The following RABEP1 variants were observed in gnomAD, a reference collection of about 807,000 sequenced individuals.
The protein encoded by RABEP1 is rab GTPase-binding effector protein 1.
Under a neutral mutation model 123.4 loss-of-function variants are expected in RABEP1, and 51 were observed. That is an observed-to-expected ratio of 0.41 (90% CI 0.33 to 0.52). The LOEUF is 0.52. Among genes scored for constraint, RABEP1 ranks in the 20% least tolerant of loss-of-function variants. RABEP1 has a pLI of 0.16. For missense variants in RABEP1, 888 were observed against 996.3 expected (o/e 0.89, Z 1.46); for synonymous variants, 347 against 355.2 (o/e 0.98, Z 0.26).
Position 5,331,912 on chromosome 17 carries a change from T to A in RABEP1, c.164-37T>A, listed in dbSNP as rs542355435. On this transcript the variant is annotated intron_variant, in intron 2 of 17. Coordinates refer to ENST00000537505, the MANE Select transcript of RABEP1 (RefSeq NM_004703.6). ...TATTGGAATGCCAGTCTGATCAAAG[T>A]GAACATTAATGGACTATCTTTTACT... 3.2e-6 allele frequency: 5 copies of A among 1,577,280 alleles called. No individual in the cohort carries two copies. In the South Asian group the frequency reaches 5.6e-5, roughly 18 times the overall value.
intron 17 of RABEP1, among the ~76,000 whole-genome samples, chr17:5,382,430 A>G (rs1401611346): frequency 1.3e-5 from 2 of 151,718 alleles, no homozygotes; most frequent in South Asian, 2.1e-4. Flanking sequence ...ATTTGTCTCC[A>G]TAATCCCAAC....
chr17:5,377,378 C>T (rs1487456692), intron 14 of RABEP1, 73 bp downstream of exon 14: 1 of 1,211,422 alleles, frequency 8.3e-7, no homozygotes, highest in Non-Finnish European at 1.1e-6. Flanking sequence ...CAATACATGG[C>T]CATGGAGTCT....
chr17:5,349,158 G>A (rs1908311778), intron 6 of RABEP1, among the ~76,000 whole-genome samples: 1 of 152,118 alleles, frequency 6.6e-6, no homozygotes, highest in Non-Finnish European at 1.5e-5. Flanking sequence ...TTTGTGTCTG[G>A]CTTCAGTGAA....
chr17:5,365,798 G>C (rs1049265264), intron 11 of RABEP1, among the ~76,000 whole-genome samples: 2 of 152,152 alleles, frequency 1.3e-5, no homozygotes, highest in Admixed American at 6.5e-5. Context: ...GTTCTTTTGC[G>C]TCTGTGTTCC....
In RABEP1 at chr17:5,314,234, CTTTTTTTTTTTTT is replaced by C. The variant is rs71151864; in HGVS notation, c.163+5426_163+5438del. On this transcript the variant is annotated intron_variant, in intron 2 of 17. Coordinates refer to ENST00000537505, the MANE Select transcript of RABEP1 (RefSeq NM_004703.6). ...GCCTGTTCTTTTCTTAGTACCTATT[CTTTTTTTTTTTTT>C]TTTTTTTTTTTTTGAGATGGAGTTT... is the stretch of plus-strand genomic sequence containing the variant. Among the ~76,000 whole-genome samples, 92 of 55,586 alleles carry C rather than the reference CTTTTTTTTTTTTT, an allele frequency of 1.7e-3. 3 individuals carry two copies. Among genetic ancestry groups the C allele is most frequent in the Admixed American group, 9.2e-3 (31 of 3,362 alleles). The allele number at this position is 55,586 out of a possible 152,430, so 36.5% of individuals were successfully genotyped here. A position where few individuals can be genotyped will look rare whatever the true frequency, so the allele number is the denominator to read the frequency against.
At chr17:5,314,234 CTTTTTTTTTTTTTT>C (rs71151864) in intron 2 of RABEP1, among the ~76,000 whole-genome samples, 7 of 55,584 alleles carry the variant, frequency 1.3e-4, no homozygotes, top group South Asian at 1.7e-3. Flanking sequence ...AGTACCTATT[CTTTTTTTTTTTTTT>C]TTTTTTTTTT....
Position 5,383,283 on chromosome 17 carries a change from A to G in RABEP1, c.*60A>G. On this transcript the variant is annotated 3_prime_UTR_variant, in exon 18 of 18. Coordinates refer to ENST00000537505, the MANE Select transcript of RABEP1 (RefSeq NM_004703.6). ...GTTTTTAACTCATCTTTAGAGCAACAGTAATTATTATTTAACTCTTAACTG... is the reference window on the plus strand; with the variant it reads ...GTTTTTAACTCATCTTTAGAGCAACGGTAATTATTATTTAACTCTTAACTG... 7.8e-7 allele frequency: 1 copy of G among 1,283,900 alleles called. No homozygotes were observed. Among genetic ancestry groups the G allele is most frequent in the Non-Finnish European group, 1.1e-6 (1 of 884,202 alleles). 79.5% of individuals were successfully genotyped at this position (1,283,900 alleles called of 1,614,324 possible). A position where few individuals can be genotyped will look rare whatever the true frequency, so the allele number is the denominator to read the frequency against.
chr17:5,351,830 C>T (rs1193353462), intron 7 of RABEP1, among the ~76,000 whole-genome samples: 2 of 152,046 alleles, frequency 1.3e-5, no homozygotes, highest in African/African-American at 2.4e-5. Flanking sequence ...TTCCCATAAG[C>T]ATTATCCTGG....
intron 6 of RABEP1, among the ~76,000 whole-genome samples, chr17:5,349,276 A>G (rs926039090): frequency 6.6e-6 from 1 of 152,212 alleles, no homozygotes; most frequent in Non-Finnish European, 1.5e-5. Context: ...GCAGAAGAAT[A>G]AAAAAGGGGC....
intron 1 of RABEP1, among the ~76,000 whole-genome samples, chr17:5,294,912 C>G (rs1229857428): frequency 6.6e-6 from 1 of 151,020 alleles, no homozygotes; most frequent in African/African-American, 2.4e-5. Context: ...TCCCAAAGTG[C>G]TGGGATTACA....
At chr17:5,375,691 G>A (rs150183431) in intron 13 of RABEP1, among the ~76,000 whole-genome samples, 5 of 151,548 alleles carry the variant, frequency 3.3e-5, no homozygotes, top group Non-Finnish European at 7.4e-5. Context: ...GGGAGACAGA[G>A]TGAGGACCCT....
At chr17:5,283,291 T>C (rs1275282760) in intron 1 of RABEP1, among the ~76,000 whole-genome samples, 1 of 151,996 alleles carries the variant, frequency 6.6e-6, no homozygotes, top group Non-Finnish European at 1.5e-5. Flanking sequence ...CTTGAAGATA[T>C]TTGCTTGTGG....
rs1911887464 is a variant in RABEP1, at chr17:5,385,565, T to C, written c.*2342T>C. 4.3e-6 allele frequency: 1 copy of C among 230,982 alleles called. No homozygotes were observed. Among genetic ancestry groups the C allele is most frequent in the Non-Finnish European group, 8.6e-6 (1 of 116,776 alleles). 14.3% of individuals were successfully genotyped at this position (230,982 alleles called of 1,614,324 possible). A position where few individuals can be genotyped will look rare whatever the true frequency, so the allele number is the denominator to read the frequency against. On this transcript the variant is annotated 3_prime_UTR_variant, in exon 18 of 18. Coordinates refer to ENST00000537505, the MANE Select transcript of RABEP1 (RefSeq NM_004703.6). ...CATTCTGCATACTAACCTATTTTTT[T>C]CTCCCTTTAAGGTGCTAAACTTGCA...
chr17:5,365,449 A>T (rs1909929531), intron 11 of RABEP1, among the ~76,000 whole-genome samples: 1 of 152,210 alleles, frequency 6.6e-6, no homozygotes, highest in African/African-American at 2.4e-5. Flanking sequence ...AGTAAATGCC[A>T]GGAGGTTCTG....
intron 1 of RABEP1, among the ~76,000 whole-genome samples, chr17:5,295,742 C>T (rs570378907): frequency 3.3e-5 from 5 of 152,150 alleles, no homozygotes; most frequent in Non-Finnish European, 5.9e-5. Context: ...GTGTGTTACA[C>T]GTTCACAAGT....
chr17:5,331,959 G>A lies in RABEP1; in HGVS notation c.174G>A (p.Lys58=), dbSNP rs1567527674. 5 of 1,613,822 alleles carry A rather than the reference G, an allele frequency of 3.1e-6. No homozygotes were observed. The highest frequency in any genetic ancestry group is 4.2e-6 in the Non-Finnish European group (5 of 1,179,910). ...ELYLAKEEDL[K]RQNAVLQAAQ... ...TACTTTTCTCTCCAGAGGATCTGAA[G>A]AGGCAAAATGCAGTATTACAAGCTG... The change falls in exon 3 of 18, where the codon AAG becomes AAA. Residue 58 remains lysine (K), a synonymous_variant. Transcript: ENST00000537505.
rs187594432 is a variant in RABEP1, at chr17:5,341,451, A to G, written c.648+3313A>G. 4.0e-4 allele frequency among the ~76,000 whole-genome samples: 61 copies of G among 152,338 alleles called. 1 individual carries two copies. The highest frequency in any genetic ancestry group is 1.4e-3 in the African/African-American group (60 of 41,578). On this transcript the variant is annotated intron_variant, in intron 5 of 17. Transcript: ENST00000537505. ...TATTAAAGAAAGTGGATCTAGAGTAAAAAATCTTATTGTCTCTTGCCTCCT... is the reference window on the plus strand; with the variant it reads ...TATTAAAGAAAGTGGATCTAGAGTAGAAAATCTTATTGTCTCTTGCCTCCT...
chr17:5,343,521 C>T (rs951480915), intron 5 of RABEP1, among the ~76,000 whole-genome samples: 9 of 152,000 alleles, frequency 5.9e-5, no homozygotes, highest in African/African-American at 1.7e-4. Flanking sequence ...GATTGGGCCA[C>T]TGCACTCCAG....
At position 5,331,997 on chromosome 17, in the gene RABEP1, T is replaced by G. The variant is rs774508961; in HGVS notation, c.212T>G (p.Leu71Trp). The change falls in exon 3 of 18, where the codon TTG becomes TGG. Residue 71 changes from leucine (L) to tryptophan (W), a missense_variant. Transcript: ENST00000537505. The part of the protein sequence containing the change: ...NAVLQAAQDD[L>W]GHLRTQLWEA... ...GTATTACAAGCTGCACAAGATGATT[T>G]GGGACACCTTCGAACCCAGCTGTGG... The G allele has an allele frequency of 6.2e-7, 1 of 1,614,078 alleles. No homozygotes were observed. The highest frequency in any genetic ancestry group is 1.1e-5 in the South Asian group (1 of 91,072).
Sources: allele counts gnomAD v4.1 joint callset (sites outside exome capture counted in the v4.1 genomes callset), GRCh38; gene constraint gnomAD v4.1.1; transcripts MANE v1.5; gene names NCBI Gene and HGNC (gene_info 2026-07-23, HGNC 2026-07-21).